UFL1: variants seen among roughly 807,000 people sequenced by gnomAD.
UFL1 encodes the protein E3 UFM1-protein ligase 1.
Under a neutral mutation model 99.3 loss-of-function variants are expected in UFL1, and 78 were observed. The observed-to-expected ratio is 0.79, with a 90% CI of 0.65 to 0.95. UFL1 has a LOEUF of 0.95. UFL1 is among the 40% of genes least tolerant of loss of function. The pLI, the probability that UFL1 is intolerant of heterozygous loss-of-function variation, is 0.00. For missense variants in UFL1, 936 were observed against 937.0 expected (o/e 1.00, Z 0.01); for synonymous variants, 335 against 322.2 (o/e 1.04, Z -0.42).
chr6:96,523,112 G>A (rs759559713), intron 1 of UFL1, 34 bp from the exon 2 acceptor site: 23 of 1,569,810 alleles, frequency 1.5e-5, no homozygotes, highest in Non-Finnish European at 2.0e-5. Context: ...TGTCTCAAGT[G>A]GACTTTTGAA....
chr6:96,546,305 A>T (rs1426732268), intron 12 of UFL1, among the ~76,000 whole-genome samples: 1 of 150,608 alleles, frequency 6.6e-6, no homozygotes, highest in Non-Finnish European at 1.5e-5. Context: ...AATACATTTT[A>T]CCAAAGAAAT....
At chr6:96,548,071 G>T (rs1168555052) in intron 12 of UFL1, 93 bp from the exon 13 acceptor site, 6 of 762,888 alleles carry the variant, frequency 7.9e-6, no homozygotes, top group Admixed American at 3.4e-5. Flanking sequence ...ATGAATTATT[G>T]TCTTACTAAA....
intron 7 of UFL1, among the ~76,000 whole-genome samples, chr6:96,535,360 T>C (rs1769838136): frequency 6.6e-6 from 1 of 152,026 alleles, no homozygotes; most frequent in Non-Finnish European, 1.5e-5. Context: ...TTTTAGAGGA[T>C]TTTAATTTCT....
In UFL1 at chr6:96,552,465, C is replaced by CT. The variant is rs746589180; in HGVS notation, c.1986-3dup. Reference sequence around the variant, plus strand: ...TAAATTATGATAATGAATTTGTGTGCTTTTTTTTTTTTTTAGACAGATACT... The same window carrying CT: ...TAAATTATGATAATGAATTTGTGTGCTTTTTTTTTTTTTTTAGACAGATACT... On this transcript the variant is annotated splice_polypyrimidine_tract_variant and intron_variant, in intron 17 of 18. Transcript: ENST00000369278. 0.05 allele frequency: 60,855 copies of CT among 1,211,868 alleles called. No individual in the cohort carries two copies. The highest frequency in any genetic ancestry group is 0.07 in the South Asian group (4,490 of 64,416). 75.1% of individuals were successfully genotyped at this position (1,211,868 alleles called of 1,614,324 possible).
Position 96,548,155 on chromosome 6 carries a change from C to G in UFL1, c.1403-9C>G. 6.4e-7 allele frequency: 1 copy of G among 1,553,294 alleles called. No homozygotes were observed. The highest frequency in any genetic ancestry group is 1.4e-5 in the African/African-American group (1 of 72,118). ...TTTATTTATTTGCCATTGCTCATGT[C>G]CGATATAGGAAAGAAGAAGCCAGAG... On this transcript the variant is annotated splice_polypyrimidine_tract_variant and intron_variant, in intron 12 of 18. Transcript: ENST00000369278.
At chr6:96,540,152 A>G (rs1769910707) in intron 10 of UFL1, among the ~76,000 whole-genome samples, 1 of 151,402 alleles carries the variant, frequency 6.6e-6, no homozygotes, top group African/African-American at 2.4e-5. Flanking sequence ...ATTATCTTTA[A>G]TAATCTCAAA....
At chr6:96,524,437 G>T in intron 3 of UFL1, 27 bp downstream of exon 3, 2 of 1,552,634 alleles carry the variant, frequency 1.3e-6, no homozygotes, top group South Asian at 1.3e-5. Context: ...TAAAATTTTT[G>T]CTTTACTTTC....
At chr6:96,543,711 G>A (rs545441371) in intron 12 of UFL1, among the ~76,000 whole-genome samples, 1 of 150,992 alleles carries the variant, frequency 6.6e-6, no homozygotes, top group African/African-American at 2.4e-5. Context: ...AAAAGGCAAG[G>A]GATAAAACAT....
intron 15 of UFL1, among the ~76,000 whole-genome samples, chr6:96,550,135 G>C (rs563345196): frequency 2.6e-5 from 4 of 151,722 alleles, no homozygotes; most frequent in African/African-American, 7.2e-5. Flanking sequence ...TTCCTTTAAG[G>C]ACATCTCATT....
In UFL1 at chr6:96,521,877, G is replaced by A. The variant is rs1769615046; in HGVS notation, c.4G>A (p.Ala2Thr). M[A>T]DAWEEIRRLA... ...GTCTACTGCGAGTCAGGCCGTGATG[G>A]CGGACGCCTGGGAAGAGATTAGGCG... is the stretch of plus-strand genomic sequence containing the variant. Residue 2 changes from alanine to threonine, a missense_variant, in exon 1 of 19, where the codon GCG becomes ACG. Coordinates refer to ENST00000369278, the MANE Select transcript of UFL1 (RefSeq NM_015323.5). 6.2e-6 allele frequency: 10 copies of A among 1,611,928 alleles called. No individual in the cohort carries two copies. The highest frequency in any genetic ancestry group is 8.5e-6 in the Non-Finnish European group (10 of 1,179,462).
In UFL1 at chr6:96,523,152, C is replaced by T. The variant is rs769857843; in HGVS notation, c.84C>T (p.Ser28=). ...CTTTTTTTCTTTCCCTCAGGTTGTC[C>T]GAGCGGAACTGCATTGAGATTGTTA... ...AQFAEATQRL[S]ERNCIEIVNK... Residue 28 remains serine, a synonymous_variant, in exon 2 of 19, where the codon TCC becomes TCT. Coordinates refer to ENST00000369278, the MANE Select transcript of UFL1 (RefSeq NM_015323.5). The T allele has an allele frequency of 1.6e-5, 26 of 1,597,534 alleles. No homozygotes were observed. Among genetic ancestry groups the T allele is most frequent in the Non-Finnish European group, 2.0e-5 (23 of 1,172,824 alleles).
At chr6:96,522,152 TGG>T (rs1769623144) in intron 1 of UFL1, among the ~76,000 whole-genome samples, 1 of 152,162 alleles carries the variant, frequency 6.6e-6, no homozygotes, top group Non-Finnish European at 1.5e-5. Context: ...TAGGACGCCC[TGG>T]AGCCCCCCAG....
At chr6:96,543,572 G>A (rs1769960020) in intron 12 of UFL1, among the ~76,000 whole-genome samples, 1 of 151,178 alleles carries the variant, frequency 6.6e-6, no homozygotes, top group South Asian at 2.1e-4. Context: ...ATGGCTGACT[G>A]TGGGAATGTT....
intron 8 of UFL1, 67 bp downstream of exon 8, chr6:96,536,457 A>G (rs763261106): frequency 2.2e-4 from 289 of 1,308,778 alleles, no homozygotes; most frequent in Non-Finnish European, 2.5e-4. Context: ...TAAAAGTATT[A>G]TACTAACCCT....
intron 10 of UFL1, among the ~76,000 whole-genome samples, chr6:96,539,352 T>C (rs1214635804): frequency 2.0e-5 from 3 of 151,670 alleles, no homozygotes; most frequent in Non-Finnish European, 4.4e-5. Flanking sequence ...ATGTTTCTAG[T>C]TGGCAGCATC....
chr6:96,534,991 T>G (rs9373909), intron 7 of UFL1, among the ~76,000 whole-genome samples: 9,570 of 152,066 alleles, frequency 0.063, 367 homozygotes, highest in East Asian at 0.19. Context: ...TTTGTTTGAC[T>G]GATTTAAAAT....
chr6:96,545,006 A>G (rs1161626427), intron 12 of UFL1, among the ~76,000 whole-genome samples: 2 of 151,090 alleles, frequency 1.3e-5, no homozygotes. Flanking sequence ...TCAACTCAGT[A>G]TGAAAGATTA....
chr6:96,523,139 C>A lies in UFL1; in HGVS notation c.78-7C>A. 2 of 1,592,998 alleles carry A rather than the reference C, an allele frequency of 1.3e-6. No individual in the cohort carries two copies. The highest frequency in any genetic ancestry group is 1.7e-6 in the Non-Finnish European group (2 of 1,171,474). On this transcript the variant is annotated splice_region_variant and splice_polypyrimidine_tract_variant and intron_variant, in intron 1 of 18. Coordinates refer to ENST00000369278, the MANE Select transcript of UFL1 (RefSeq NM_015323.5). ...ACTTTTGAAACAACTTTTTTTCTTT[C>A]CCTCAGGTTGTCCGAGCGGAACTGC...
intron 12 of UFL1, among the ~76,000 whole-genome samples, chr6:96,545,840 T>C (rs1582444602): frequency 6.6e-6 from 1 of 151,182 alleles, no homozygotes. Flanking sequence ...GATAAAAATC[T>C]TCAGAAAACT....
Sources: allele counts gnomAD v4.1 joint callset (sites outside exome capture counted in the v4.1 genomes callset), GRCh38; gene constraint gnomAD v4.1.1; transcripts MANE v1.5; gene names NCBI Gene and HGNC (gene_info 2026-07-23, HGNC 2026-07-21).